The following CTNNA2 variants were observed in gnomAD, a reference collection of about 807,000 sequenced individuals.
CTNNA2 encodes the protein catenin alpha 2, also known as catenin alpha-2.
In CTNNA2, 42 loss-of-function variants were observed where a neutral mutation model predicts 101.0. The ratio of observed to expected loss-of-function variants is 0.42; its 90% CI spans 0.32 to 0.54. CTNNA2 has a LOEUF of 0.54. CTNNA2 is among the 20% of genes least tolerant of loss of function. The pLI is 0.14. For synonymous variants in CTNNA2, 450 were observed against 456.4 expected (o/e 0.99, Z 0.18); for missense variants, 871 against 1,223.1 (o/e 0.71, Z 4.29).
At chr2:79,457,682 T>G (rs1240825363) in intron 4 of CTNNA2, among the ~76,000 whole-genome samples, 13 of 152,186 alleles carry the variant, frequency 8.5e-5, no homozygotes, top group Non-Finnish European at 1.5e-5. Flanking sequence ...TCCGCGAGTA[T>G]TTCCCTAAGG....
intron 18 of CTNNA2, among the ~76,000 whole-genome samples, chr2:80,632,790 G>A (rs1672436347): frequency 6.6e-6 from 1 of 152,060 alleles, no homozygotes; most frequent in South Asian, 2.1e-4. Flanking sequence ...GGTACCCAGA[G>A]GTGATGTAAT....
At chr2:79,526,262 T>C (rs1386177992) in intron 1 of CTNNA2, among the ~76,000 whole-genome samples, 1 of 152,050 alleles carries the variant, frequency 6.6e-6, no homozygotes, top group Non-Finnish European at 1.5e-5. Context: ...ATACTGTTAC[T>C]GTTTGCGTTT....
intron 3 of CTNNA2, among the ~76,000 whole-genome samples, chr2:79,775,055 G>A (rs543147141): frequency 6.6e-6 from 1 of 152,198 alleles, no homozygotes; most frequent in African/African-American, 2.4e-5. Context: ...CTTGGGAAGG[G>A]GGCGATATTC....
In CTNNA2 at chr2:80,545,821, G is replaced by A. The variant is rs926811072; in HGVS notation, c.1384-86G>A. The A allele has an allele frequency of 1.2e-5, 17 of 1,369,048 alleles. No homozygotes were observed. The Admixed American group carries it at 2.5e-4, about 20-fold the overall frequency. The allele number at this position is 1,369,048 out of a possible 1,614,324, so 84.8% of individuals were successfully genotyped here. A position where few individuals can be genotyped will look rare whatever the true frequency, so the allele number is the denominator to read the frequency against. Reference sequence around the variant, plus strand: ...CACTTATCTGTAGAACGTACAGGGTGCATGGTTTTAACATGGTCTTTGACC... The same window carrying A: ...CACTTATCTGTAGAACGTACAGGGTACATGGTTTTAACATGGTCTTTGACC... On this transcript the variant is annotated intron_variant, in intron 10 of 18. Coordinates refer to ENST00000402739, the MANE Select transcript of CTNNA2 (RefSeq NM_001282597.3).
chr2:80,546,535 C>T (rs1379160606), intron 11 of CTNNA2, among the ~76,000 whole-genome samples: 1 of 152,182 alleles, frequency 6.6e-6, no homozygotes, highest in Non-Finnish European at 1.5e-5. Flanking sequence ...ACAGAACTTA[C>T]CCCTTAGCAG....
At chr2:79,679,777 G>C (rs1431571844) in intron 2 of CTNNA2, among the ~76,000 whole-genome samples, 2 of 152,118 alleles carry the variant, frequency 1.3e-5, no homozygotes, top group Non-Finnish European at 2.9e-5. Context: ...AGGGACCAGT[G>C]AGTGTTTAAC....
At chr2:80,236,870 C>T (rs766728341) in intron 7 of CTNNA2, among the ~76,000 whole-genome samples, 1 of 152,088 alleles carries the variant, frequency 6.6e-6, no homozygotes, top group Non-Finnish European at 1.5e-5. Flanking sequence ...GAGATGGCAC[C>T]AATTTATAGG....
chr2:80,179,437 G>T (rs1277415142), intron 7 of CTNNA2, among the ~76,000 whole-genome samples: 1 of 151,954 alleles, frequency 6.6e-6, no homozygotes, highest in Non-Finnish European at 1.5e-5. Context: ...GCAGTGGCAT[G>T]ATCTCAGCTC....
chr2:79,433,313 G>A (rs759184386), intron 4 of CTNNA2, among the ~76,000 whole-genome samples: 5 of 152,132 alleles, frequency 3.3e-5, no homozygotes, highest in Non-Finnish European at 7.3e-5. Flanking sequence ...AGCTCCACAT[G>A]GACAATTCAC....
chr2:79,257,073 A>G (rs1267851418), intron 2 of CTNNA2, among the ~76,000 whole-genome samples: 1 of 152,174 alleles, frequency 6.6e-6, no homozygotes, highest in Non-Finnish European at 1.5e-5. Context: ...CACAAGACTG[A>G]CCGTAAGTTA....
rs565268617 is a variant in CTNNA2 at position 80,174,179 on chromosome 2, A to C, written c.1057-219032A>C. Among the ~76,000 whole-genome samples, 8 of 152,350 alleles carry C rather than the reference A, an allele frequency of 5.3e-5. No homozygotes were observed. In the South Asian group the frequency reaches 1.7e-3, roughly 32 times the overall value. On this transcript the variant is annotated intron_variant, in intron 7 of 18. Coordinates refer to ENST00000402739, the MANE Select transcript of CTNNA2 (RefSeq NM_001282597.3). Reference sequence around the variant, plus strand: ...TGGAATTCTTAATGCCTTATCCGATAGATAAGTAGTTAGTTCTCCCTAGCC... The same window carrying C: ...TGGAATTCTTAATGCCTTATCCGATCGATAAGTAGTTAGTTCTCCCTAGCC...
At chr2:79,255,244 G>C (rs1674828653) in intron 2 of CTNNA2, among the ~76,000 whole-genome samples, 1 of 152,152 alleles carries the variant, frequency 6.6e-6, no homozygotes, top group South Asian at 2.1e-4. Context: ...ATAAGATTCA[G>C]CTAAGCATCA....
At chr2:79,519,397 A>G (rs936037230) in intron 1 of CTNNA2, among the ~76,000 whole-genome samples, 1 of 152,008 alleles carries the variant, frequency 6.6e-6, no homozygotes, top group Non-Finnish European at 1.5e-5. Flanking sequence ...GCTCTCATTG[A>G]GCTAGAGATT....
At chr2:79,441,050 A>G (rs1007153593) in intron 4 of CTNNA2, among the ~76,000 whole-genome samples, 2 of 152,218 alleles carry the variant, frequency 1.3e-5, no homozygotes, top group African/African-American at 2.4e-5. Context: ...GAATCATCTC[A>G]GGGAGAAAAT....
intron 8 of CTNNA2, among the ~76,000 whole-genome samples, chr2:80,402,237 C>T (rs904924926): frequency 2.2e-4 from 33 of 152,194 alleles, no homozygotes; most frequent in African/African-American, 7.7e-4. Flanking sequence ...CTTCCATGCC[C>T]TCTGTGGGTG....
At chr2:79,679,645 G>A (rs981491182) in intron 2 of CTNNA2, among the ~76,000 whole-genome samples, 1 of 152,034 alleles carries the variant, frequency 6.6e-6, no homozygotes, top group Admixed American at 6.6e-5. Flanking sequence ...GGGAGTTAGG[G>A]TGAACGTTTG....
intron 4 of CTNNA2, chr2:79,500,574 ACCCCAC>A (rs1200267075): frequency 1.3e-5 from 2 of 152,210 alleles, no homozygotes; most frequent in East Asian, 3.9e-4. Context: ...ACTTTCTCTC[ACCCCAC>A]CCTTCTCTGC....
chr2:79,737,325 G>C (rs1670964972), intron 2 of CTNNA2, among the ~76,000 whole-genome samples: 1 of 151,242 alleles, frequency 6.6e-6, no homozygotes, highest in South Asian at 2.1e-4. Context: ...CTCCAGCCTG[G>C]GCAACGGAGT....
chr2:80,172,939 A>T (rs1705158771), intron 7 of CTNNA2, among the ~76,000 whole-genome samples: 1 of 152,168 alleles, frequency 6.6e-6, no homozygotes, highest in Non-Finnish European at 1.5e-5. Flanking sequence ...CTAATCATCT[A>T]CAATGATGCC....
Sources: gnomAD v4.1 joint callset for allele counts (sites outside exome capture counted in the v4.1 genomes callset) on GRCh38, gnomAD v4.1.1 for gene constraint, MANE v1.5 for transcripts, NCBI Gene and HGNC (gene_info 2026-07-23, HGNC 2026-07-21) for gene names.